The following HDAC8 variants were observed in gnomAD, a reference collection of about 807,000 sequenced individuals.
HDAC8 encodes histone deacetylase 8, also known as histone deacetylase-like 1.
A neutral mutation model predicts 32.2 loss-of-function variants in HDAC8; 1 was observed. The observed-to-expected ratio is 0.03, with a 90% CI of 0.01 to 0.15. The LOEUF (loss-of-function observed/expected upper bound fraction) is 0.15, where lower values mean the gene tolerates loss of function less well. HDAC8 is among the 10% of genes least tolerant of loss of function. The probability of loss-of-function intolerance (pLI) is 1.00; values close to 1 mark genes in which losing one functional copy is unlikely to be tolerated. For synonymous variants in HDAC8, 108 were observed against 113.9 expected (o/e 0.95, Z 0.33); for missense variants, 117 against 300.0 (o/e 0.39, Z 4.51).
intron 10 of HDAC8, among the ~76,000 whole-genome samples, chrX:72,350,497 C>T (rs1381980645): frequency 1.8e-5 from 2 of 110,653 alleles, no homozygotes; most frequent in Non-Finnish European, 3.8e-5. Context: ...TATATTCCAG[C>T]GAGGGACTCA....
chrX:72,502,358 C>G (rs2148166903), intron 4 of HDAC8, among the ~76,000 whole-genome samples: 1 of 111,898 alleles, frequency 8.9e-6, no homozygotes, highest in South Asian at 3.8e-4. Context: ...ACAACAAAGA[C>G]TTGGAATGCT....
intron 6 of HDAC8, 64 bp downstream of exon 6, chrX:72,490,865 G>A (rs948657134): frequency 1.3e-5 from 11 of 858,943 alleles, no homozygotes; most frequent in Non-Finnish European, 1.9e-5. Context: ...CCAAGTATAA[G>A]AAATGTGTAG....
At chrX:72,506,207 C>G (rs1340328921) in intron 4 of HDAC8, among the ~76,000 whole-genome samples, 1 of 112,442 alleles carries the variant, frequency 8.9e-6, no homozygotes, top group Non-Finnish European at 1.9e-5. Context: ...AAGAAATGCT[C>G]AAGTCATGCA....
At chrX:72,466,058 G>A (rs1419233617) in intron 7 of HDAC8, among the ~76,000 whole-genome samples, 1 of 112,025 alleles carries the variant, frequency 8.9e-6, no homozygotes, top group African/African-American at 3.2e-5. Context: ...GGGTGCAGAG[G>A]GAAGATAAGC....
intron 4 of HDAC8, among the ~76,000 whole-genome samples, chrX:72,495,840 G>A (rs1320378846): frequency 8.9e-6 from 1 of 112,197 alleles, no homozygotes; most frequent in Non-Finnish European, 1.9e-5. Flanking sequence ...GTGGTCGCCT[G>A]TCTGTAAATG....
chrX:72,461,931 C>T (rs1205751506), intron 9 of HDAC8, 73 bp downstream of exon 9: 35 of 752,354 alleles, frequency 4.7e-5, no homozygotes, highest in African/African-American at 8.3e-5. Context: ...GTGGTGAGGA[C>T]GTGATTTTGA....
At chrX:72,458,149 C>T (rs781947552) in intron 9 of HDAC8, among the ~76,000 whole-genome samples, 3 of 112,141 alleles carry the variant, frequency 2.7e-5, no homozygotes, top group Non-Finnish European at 5.6e-5. Context: ...ACCATGACAC[C>T]TTTGGGCTTT....
At chrX:72,517,459 CT>C (rs782333592) in intron 4 of HDAC8, among the ~76,000 whole-genome samples, 17 of 110,076 alleles carry the variant, frequency 1.5e-4, no homozygotes, top group Admixed American at 4.9e-4. Flanking sequence ...TCTATATTTT[CT>C]TTTTTTTTGT....
chrX:72,526,080 C>T (rs1418553867), intron 4 of HDAC8, among the ~76,000 whole-genome samples: 2 of 110,656 alleles, frequency 1.8e-5, no homozygotes, highest in African/African-American at 6.6e-5. Flanking sequence ...AAAAACTCTT[C>T]ACTAGCTCCC....
chrX:72,379,958 G>C (rs1363840286), intron 9 of HDAC8, among the ~76,000 whole-genome samples: 1 of 111,096 alleles, frequency 9.0e-6, no homozygotes, highest in African/African-American at 3.3e-5. Flanking sequence ...TCTTTACCAA[G>C]ATGCTCTGTG....
chrX:72,562,310 G>A (rs1556122098), intron 4 of HDAC8, among the ~76,000 whole-genome samples: 1 of 112,316 alleles, frequency 8.9e-6, no homozygotes. Context: ...AGTGGATAAA[G>A]AAAATGTTTT....
intron 2 of HDAC8, among the ~76,000 whole-genome samples, chrX:72,570,641 A>G (rs1299608434): frequency 9.1e-6 from 1 of 109,968 alleles, no homozygotes; most frequent in Non-Finnish European, 1.9e-5. Context: ...AATTCCCTTT[A>G]AAAGGTACAA....
intron 5 of HDAC8, among the ~76,000 whole-genome samples, chrX:72,492,228 T>C (rs1418201930): frequency 2.7e-5 from 3 of 112,456 alleles, no homozygotes; most frequent in African/African-American, 9.7e-5. Flanking sequence ...GGACCAATCA[T>C]GTATGAGAGT....
At chrX:72,398,695 T>C (rs1245087098) in intron 9 of HDAC8, among the ~76,000 whole-genome samples, 3 of 110,539 alleles carry the variant, frequency 2.7e-5, no homozygotes, top group Non-Finnish European at 5.7e-5. Context: ...ATGTGAGTTA[T>C]ATGAGTACTA....
intron 7 of HDAC8, among the ~76,000 whole-genome samples, chrX:72,484,676 T>A (rs782400002): frequency 1.8e-5 from 2 of 111,990 alleles, no homozygotes; most frequent in Non-Finnish European, 3.8e-5. Context: ...TCATTCGAAC[T>A]TCACATATGT....
At chrX:72,410,163 C>T (rs2046153049) in intron 9 of HDAC8, among the ~76,000 whole-genome samples, 1 of 110,752 alleles carries the variant, frequency 9.0e-6, no homozygotes. Flanking sequence ...ACAGGAAGGT[C>T]TGGGTGGAGC....
At chrX:72,363,734 G>A (rs5912127) in intron 9 of HDAC8, among the ~76,000 whole-genome samples, 1 of 111,350 alleles carries the variant, frequency 9.0e-6, no homozygotes, top group Non-Finnish European at 1.9e-5. Context: ...ACCACACCCA[G>A]CTAAATTTTT....
chrX:72,569,916 C>A (rs1198935722), intron 2 of HDAC8, among the ~76,000 whole-genome samples: 1 of 112,253 alleles, frequency 8.9e-6, no homozygotes, highest in Non-Finnish European at 1.9e-5. Context: ...GATTTTTAAA[C>A]AAGATGACAC....
intron 9 of HDAC8, among the ~76,000 whole-genome samples, chrX:72,367,633 A>G (rs1398104592): frequency 8.9e-6 from 1 of 112,609 alleles, no homozygotes; most frequent in Non-Finnish European, 1.9e-5. Context: ...TTGTCCCCTA[A>G]TAGTTTATTT....
Sources: gnomAD v4.1 joint callset for allele counts (sites outside exome capture counted in the v4.1 genomes callset) on GRCh38, gnomAD v4.1.1 for gene constraint, MANE v1.5 for transcripts, NCBI Gene and HGNC (gene_info 2026-07-23, HGNC 2026-07-21) for gene names.